Variants in RASSF9 observed in about 807,000 individuals in gnomAD.
The protein encoded by RASSF9 is Ras association domain family member 9, also known as ras association domain-containing protein 9.
A neutral mutation model predicts 21.4 loss-of-function variants in RASSF9; 18 were observed. The observed-to-expected ratio is 0.84, with a 90% CI of 0.58 to 1.25. The LOEUF is 1.25. RASSF9 is among the 50% of genes most tolerant of loss of function. The probability of loss-of-function intolerance (pLI) is 0.00; values close to 1 mark genes in which losing one functional copy is unlikely to be tolerated. For synonymous variants in RASSF9, 183 were observed against 179.1 expected (o/e 1.02, Z -0.18); for missense variants, 480 against 503.2 (o/e 0.95, Z 0.44).
At position 85,803,333 on chromosome 12, in the gene RASSF9, T is replaced by A. The variant is rs552539497; in HGVS notation, c.*1369A>T. On this transcript the variant is annotated 3_prime_UTR_variant, in exon 2 of 2. Transcript: ENST00000361228. Reference sequence around the variant, plus strand: ...AACTAAGTAAAATAATATTTCTACTTACATGTGCAGTGACACACAGGAAAG... The same window carrying A: ...AACTAAGTAAAATAATATTTCTACTAACATGTGCAGTGACACACAGGAAAG... 2 of 152,248 alleles carry A rather than the reference T, an allele frequency of 1.3e-5. No homozygotes were observed. Among genetic ancestry groups the A allele is most frequent in the African/African-American group, 4.8e-5 (2 of 41,536 alleles). The allele number at this position is 152,248 out of a possible 1,614,324, so 9.4% of individuals were successfully genotyped here.
At chr12:85,831,846 T>C (rs189487476) in intron 1 of RASSF9, among the ~76,000 whole-genome samples, 36 of 152,088 alleles carry the variant, frequency 2.4e-4, no homozygotes, top group African/African-American at 8.7e-4. Flanking sequence ...AATCATTGAA[T>C]GATTTACTTC....
intron 1 of RASSF9, among the ~76,000 whole-genome samples, chr12:85,818,699 G>A (rs1312484168): frequency 2.0e-5 from 3 of 152,104 alleles, no homozygotes; most frequent in African/African-American, 7.2e-5. Flanking sequence ...GGTGGCTCAC[G>A]TCTGTAATCC....
Position 85,805,478 on chromosome 12 carries a change from G to A in RASSF9, c.532C>T (p.His178Tyr), listed in dbSNP as rs1228585590. The change falls in exon 2 of 2, where the codon CAT becomes TAT. Residue 178 changes from histidine to tyrosine, a missense_variant. Transcript: ENST00000361228. ...AATGTCTCCATATTATCTCGATCAT[G>A]AGAAACTGTGTCCTGCTTAATTTTA... is the stretch of plus-strand genomic sequence containing the variant. ...LAKIKQDTVSHDRDNMETLVH... is the reference protein window; with the variant it reads ...LAKIKQDTVSYDRDNMETLVH... The A allele has an allele frequency of 1.9e-6, 3 of 1,613,766 alleles. No individual in the cohort carries two copies. Among genetic ancestry groups the A allele is most frequent in the African/African-American group, 1.3e-5 (1 of 74,886 alleles).
chr12:85,813,160 G>T (rs562968929), intron 1 of RASSF9, among the ~76,000 whole-genome samples: 2 of 151,868 alleles, frequency 1.3e-5, no homozygotes, highest in South Asian at 4.1e-4. Context: ...AAATTCAAGA[G>T]GATTTATATA....
intron 1 of RASSF9, among the ~76,000 whole-genome samples, chr12:85,822,854 T>C (rs1592531945): frequency 6.6e-6 from 1 of 152,092 alleles, no homozygotes. Context: ...TAGCAATCCA[T>C]CGTTATTCTC....
chr12:85,827,814 A>G (rs1880364613), intron 1 of RASSF9, among the ~76,000 whole-genome samples: 1 of 152,190 alleles, frequency 6.6e-6, no homozygotes, highest in Non-Finnish European at 1.5e-5. Context: ...TCTCCACTAC[A>G]TGAATCTAGT....
chr12:85,823,357 T>C (rs1369750795), intron 1 of RASSF9, among the ~76,000 whole-genome samples: 1 of 152,138 alleles, frequency 6.6e-6, no homozygotes, highest in Non-Finnish European at 1.5e-5. Flanking sequence ...TGTGACCTCC[T>C]CCTCCCATTC....
chr12:85,805,656 A>C lies in RASSF9; in HGVS notation c.354T>G (p.Asp118Glu). The change falls in exon 2 of 2, where the codon GAT becomes GAG. Residue 118 changes from aspartate (D) to glutamate (E), a missense_variant. Physicochemically the swap from Asp to Glu is conservative, Grantham distance 45 (BLOSUM62 2). Coordinates refer to ENST00000361228, the MANE Select transcript of RASSF9 (RefSeq NM_005447.4). ...PNMQFVLVKA[D>E]AFLPVPLWRT... ...GCCACAAAGGAACTGGAAGAAAAGC[A>C]TCTGCTTTAACCAAAACAAATTGCA... 6.2e-7 allele frequency: 1 copy of C among 1,614,026 alleles called. No homozygotes were observed. The highest frequency in any genetic ancestry group is 8.5e-7 in the Non-Finnish European group (1 of 1,179,896).
chr12:85,828,451 A>C (rs944628977), intron 1 of RASSF9, among the ~76,000 whole-genome samples: 3 of 152,146 alleles, frequency 2.0e-5, no homozygotes. Context: ...GCTTGTATCA[A>C]AATATCTCAT....
chr12:85,805,080 C>T lies in RASSF9; in HGVS notation c.930G>A (p.Leu310=). Residue 310 remains leucine (L), a synonymous_variant, in exon 2 of 2, where the codon CTG becomes CTA. Transcript: ENST00000361228. ...EDAEGEAASE[L]ESSNLESVKC... Reference sequence around the variant, plus strand: ...TAACACTCTCTAAATTAGAGCTTTCCAGTTCACTTGCAGCTTCCCCTTCCG... The same window carrying T: ...TAACACTCTCTAAATTAGAGCTTTCTAGTTCACTTGCAGCTTCCCCTTCCG... 6.2e-7 allele frequency: 1 copy of T among 1,613,974 alleles called. No individual in the cohort carries two copies. Among genetic ancestry groups the T allele is most frequent in the Non-Finnish European group, 8.5e-7 (1 of 1,179,886 alleles).
chr12:85,811,021 T>G (rs17346231), intron 1 of RASSF9, among the ~76,000 whole-genome samples: 9,308 of 152,002 alleles, frequency 0.061, 329 homozygotes, highest in Non-Finnish European at 0.079. Flanking sequence ...CATTTTCTAT[T>G]CTTACAAATA....
rs1435102523 is a variant in RASSF9, at chr12:85,802,159, T to C, written c.*2543A>G. The C allele has an allele frequency of 6.6e-6, 1 of 152,220 alleles. No individual in the cohort carries two copies. Among genetic ancestry groups the C allele is most frequent in the Non-Finnish European group, 1.5e-5 (1 of 68,036 alleles). The allele number at this position is 152,220 out of a possible 1,614,324, so 9.4% of individuals were successfully genotyped here. A position where few individuals can be genotyped will look rare whatever the true frequency, so the allele number is the denominator to read the frequency against. On this transcript the variant is annotated 3_prime_UTR_variant, in exon 2 of 2. Transcript: ENST00000361228. ...TAGCTGCATATAGCAATTTCATAGTTAACCTGTCAGATTACTCAAGAATTT... is the reference window on the plus strand; with the variant it reads ...TAGCTGCATATAGCAATTTCATAGTCAACCTGTCAGATTACTCAAGAATTT...
At position 85,823,950 on chromosome 12, in the gene RASSF9, CA is replaced by C. The variant is rs1190045192; in HGVS notation, c.47+12204del. Among the ~76,000 whole-genome samples the C allele has an allele frequency of 2.0e-5, 3 of 152,150 alleles. No homozygotes were observed. The East Asian group carries it at 5.8e-4, about 29-fold the overall frequency. Reference sequence around the variant, plus strand: ...AGTAAGTGGTAAGTGATACAATTGGCATCCCCTAGGTTTTCGACTGTGACTC... The same window carrying C: ...AGTAAGTGGTAAGTGATACAATTGGCTCCCCTAGGTTTTCGACTGTGACTC... On this transcript the variant is annotated intron_variant, in intron 1 of 1. Coordinates refer to ENST00000361228, the MANE Select transcript of RASSF9 (RefSeq NM_005447.4).
chr12:85,805,226 C>T lies in RASSF9; in HGVS notation c.784G>A (p.Glu262Lys), dbSNP rs771266776. Residue 262 changes from glutamate (E) to lysine (K), a missense_variant, in exon 2 of 2, where the codon GAA (glutamate) becomes AAA (lysine). Physicochemically the swap from Glu to Lys is moderately conservative, Grantham distance 56 (BLOSUM62 1). Coordinates refer to ENST00000361228, the MANE Select transcript of RASSF9 (RefSeq NM_005447.4). ...TCCAGCTGTTCAATTCCATCACTTT[C>T]GCTCAGGTCCTCCAGAGTCTGGTTT... ...EENQTLEDLS[E>K]SDGIEQLEER... The T allele has an allele frequency of 9.3e-6, 15 of 1,613,656 alleles. No individual in the cohort carries two copies. Among genetic ancestry groups the T allele is most frequent in the South Asian group, 7.7e-5 (7 of 91,086 alleles).
chr12:85,817,208 C>G (rs1162537541), intron 1 of RASSF9, among the ~76,000 whole-genome samples: 2 of 152,054 alleles, frequency 1.3e-5, no homozygotes, highest in Non-Finnish European at 2.9e-5. Context: ...AAACCCAGCT[C>G]TATACCAATT....
At chr12:85,828,845 C>G (rs1400782341) in intron 1 of RASSF9, among the ~76,000 whole-genome samples, 1 of 152,070 alleles carries the variant, frequency 6.6e-6, no homozygotes, top group Non-Finnish European at 1.5e-5. Flanking sequence ...AGTGTTTTTA[C>G]TAATCATGTA....
Position 85,804,753 on chromosome 12 carries a change from G to A in RASSF9, c.1257C>T (p.His419=). The A allele has an allele frequency of 6.2e-7, 1 of 1,611,968 alleles. No homozygotes were observed. The highest frequency in any genetic ancestry group is 8.5e-7 in the Non-Finnish European group (1 of 1,178,318). ...CTACTGTTGTTTCGGAGTCCTGACT[G>A]TGGTTAGAACTGATACCAGTGTCCG... ...TDSDTGISSN[H]SQDSETTVGD... Residue 419 remains histidine, a synonymous_variant, in exon 2 of 2, where the codon CAC becomes CAT. Coordinates refer to ENST00000361228, the MANE Select transcript of RASSF9 (RefSeq NM_005447.4).
rs368955296 is a variant in RASSF9 at position 85,814,150 on chromosome 12, T to C, written c.48-8188A>G. ...AGGCCTGTGAAGCTTTGGGGGCATATCTGAGTCTTGGCCAGCTTCCCAAAA... is the reference window on the plus strand; with the variant it reads ...AGGCCTGTGAAGCTTTGGGGGCATACCTGAGTCTTGGCCAGCTTCCCAAAA... On this transcript the variant is annotated intron_variant, in intron 1 of 1. Transcript: ENST00000361228. Among the ~76,000 whole-genome samples, 39 of 152,158 alleles carry C rather than the reference T, an allele frequency of 2.6e-4. No homozygotes were observed. In the South Asian group the frequency reaches 7.7e-3, roughly 30 times the overall value.
intron 1 of RASSF9, among the ~76,000 whole-genome samples, chr12:85,829,308 TAA>T (rs1880399573): frequency 6.6e-6 from 1 of 152,138 alleles, no homozygotes; most frequent in Admixed American, 6.6e-5. Flanking sequence ...AAATAAAATT[TAA>T]AAGACTCATA....
Sources: gnomAD v4.1 joint callset for allele counts (sites outside exome capture counted in the v4.1 genomes callset) on GRCh38, gnomAD v4.1.1 for gene constraint, MANE v1.5 for transcripts, NCBI Gene and HGNC (gene_info 2026-07-23, HGNC 2026-07-21) for gene names.